Variants in CCDC178 observed in about 807,000 individuals in gnomAD.
The protein encoded by CCDC178 is coiled-coil domain containing 178, also known as coiled-coil domain-containing protein 178.
CCDC178 carries 126 observed loss-of-function variants against 117.4 expected under a neutral mutation model. The observed-to-expected ratio is 1.07, with a 90% CI of 0.93 to 1.24. The LOEUF (loss-of-function observed/expected upper bound fraction) is 1.24, where lower values mean the gene tolerates loss of function less well. Ranked by LOEUF, CCDC178 falls within the 50% of genes most tolerant of loss-of-function variation. The pLI, the probability that CCDC178 is intolerant of heterozygous loss-of-function variation, is 0.00. For synonymous variants in CCDC178, 283 were observed against 313.4 expected, an observed-to-expected ratio of 0.90 and a Z score of 1.02; for missense variants, 1,030 against 986.9, an observed-to-expected ratio of 1.04 and a Z score of -0.59.
At chr18:32,958,140 C>T in intron 22 of CCDC178, 1 of 497,820 alleles carries the variant, frequency 2.0e-6, no homozygotes, top group Non-Finnish European at 3.7e-6. Flanking sequence ...AGAAATAAAA[C>T]ACAGACATTA....
intron 22 of CCDC178, among the ~76,000 whole-genome samples, chr18:32,970,084 G>A (rs535071743): frequency 2.0e-5 from 3 of 151,988 alleles, no homozygotes; most frequent in South Asian, 2.1e-4. Context: ...GCTCACTTTC[G>A]CTCATATTAA....
chr18:33,438,608 G>A (rs777342194), intron 2 of CCDC178, among the ~76,000 whole-genome samples: 2 of 151,538 alleles, frequency 1.3e-5, no homozygotes, highest in Non-Finnish European at 1.5e-5. Flanking sequence ...AGTTACCATG[G>A]CCATTAGAGC....
At chr18:33,113,942 T>C (rs957046295) in intron 20 of CCDC178, among the ~76,000 whole-genome samples, 1 of 151,906 alleles carries the variant, frequency 6.6e-6, no homozygotes, top group Non-Finnish European at 1.5e-5. Flanking sequence ...AATTATAGAG[T>C]TCAAATTTTG....
chr18:33,224,906 C>A lies in CCDC178; in HGVS notation c.1687G>T (p.Ala563Ser). 6.5e-7 allele frequency: 1 copy of A among 1,533,860 alleles called. No individual in the cohort carries two copies. The highest frequency in any genetic ancestry group is 8.8e-7 in the Non-Finnish European group (1 of 1,141,046). The change falls in exon 17 of 23, where the codon GCA (alanine) becomes TCA (serine). Residue 563 changes from alanine (A) to serine (S), a missense_variant. By Grantham distance (99) the Ala-to-Ser change is moderately conservative. Transcript: ENST00000383096. ...TTTATAAGCTCTTTCCGCTCAAGTGCCTGGACTTCGTAAATGGAATATAGT... is the reference window on the plus strand; with the variant it reads ...TTTATAAGCTCTTTCCGCTCAAGTGACTGGACTTCGTAAATGGAATATAGT... ...KKLYSIYEVQ[A>S]LERKELIKNR...
At chr18:33,275,998 A>G (rs2059945407) in intron 12 of CCDC178, among the ~76,000 whole-genome samples, 1 of 150,930 alleles carries the variant, frequency 6.6e-6, no homozygotes, top group South Asian at 2.1e-4. Context: ...ACTGGGCAAT[A>G]GAGCAAGACC....
intron 21 of CCDC178, among the ~76,000 whole-genome samples, chr18:33,083,527 T>A (rs1448795786): frequency 4.6e-5 from 7 of 152,362 alleles, no homozygotes. Context: ...AATGCTATCC[T>A]GTTGTTTTCC....
In CCDC178 at chr18:32,984,099, G is replaced by T. The variant is rs75164621; in HGVS notation, c.2389-9418C>A. 9.3e-3 allele frequency among the ~76,000 whole-genome samples: 1,414 copies of T among 151,954 alleles called. 23 individuals are homozygous for T. The highest frequency in any genetic ancestry group is 0.033 in the African/African-American group (1,358 of 41,510). On this transcript the variant is annotated intron_variant, in intron 21 of 22. Coordinates refer to ENST00000383096, the MANE Select transcript of CCDC178 (RefSeq NM_001105528.4). Reference sequence around the variant, plus strand: ...ATCACATAGCTCATTTCTGGAAATAGCTTTTATTAACTGCTTAGATGTACT... The same window carrying T: ...ATCACATAGCTCATTTCTGGAAATATCTTTTATTAACTGCTTAGATGTACT...
intron 5 of CCDC178, among the ~76,000 whole-genome samples, chr18:33,373,939 T>C (rs1455083563): frequency 6.6e-6 from 1 of 152,154 alleles, no homozygotes; most frequent in Admixed American, 6.6e-5. Context: ...AATCTGGATT[T>C]TAAAATATGA....
At chr18:32,991,245 T>C (rs1034482616) in intron 21 of CCDC178, among the ~76,000 whole-genome samples, 1 of 152,182 alleles carries the variant, frequency 6.6e-6, no homozygotes, top group Non-Finnish European at 1.5e-5. Flanking sequence ...CTTTTAATCA[T>C]TGCACTTGAT....
Position 33,276,759 on chromosome 18 carries a change from C to T in CCDC178, c.1177-9462G>A, listed in dbSNP as rs75092934. On this transcript the variant is annotated intron_variant, in intron 12 of 22. Transcript: ENST00000383096. ...TGGGGTGTGTTTAAGAAAGGATGAA[C>T]GATATAATGGTCAAGTAAGATTTAT... 3.7e-3 allele frequency among the ~76,000 whole-genome samples: 556 copies of T among 151,972 alleles called. 6 individuals are homozygous for T. Among genetic ancestry groups the T allele is most frequent in the African/African-American group, 0.013 (529 of 41,442 alleles).
At chr18:33,417,576 G>A (rs1354240527) in intron 2 of CCDC178, among the ~76,000 whole-genome samples, 2 of 151,192 alleles carry the variant, frequency 1.3e-5, no homozygotes, top group African/African-American at 4.9e-5. Flanking sequence ...ATAACTGCAA[G>A]TATTACCGCT....
chr18:33,059,463 C>A (rs2056885936), intron 21 of CCDC178, among the ~76,000 whole-genome samples: 2 of 152,188 alleles, frequency 1.3e-5, no homozygotes, highest in Middle Eastern at 3.4e-3. Flanking sequence ...GTTTGCCCTG[C>A]AACTTACACA....
rs111483427 is a variant in CCDC178, at chr18:33,340,514, T to C, written c.658+5697A>G. ...ACCACGGGGAAAATGTCTCCAGCCA[T>C]GTCAGACACCTTCATGGCAGACCCT... On this transcript the variant is annotated intron_variant, in intron 9 of 22. Transcript: ENST00000383096. Among the ~76,000 whole-genome samples the C allele has an allele frequency of 3.1e-3, 477 of 152,296 alleles. 1 individual carries two copies. Among genetic ancestry groups the C allele is most frequent in the Non-Finnish European group, 5.4e-3 (368 of 68,024 alleles).
At chr18:33,115,963 A>C (rs2057851605) in intron 20 of CCDC178, among the ~76,000 whole-genome samples, 1 of 152,140 alleles carries the variant, frequency 6.6e-6, no homozygotes, top group Admixed American at 6.6e-5. Context: ...TGTCAAATGA[A>C]ATTTGACAGT....
chr18:33,297,843 C>T (rs894527607), intron 11 of CCDC178, among the ~76,000 whole-genome samples: 1 of 151,998 alleles, frequency 6.6e-6, no homozygotes, highest in African/African-American at 2.4e-5. Flanking sequence ...AGATGGAGAC[C>T]ATCCTGGCTA....
Position 33,333,404 on chromosome 18 carries a change from G to A in CCDC178, c.659-10C>T. The stretch of plus-strand genomic sequence containing the variant: ...AAATAGGCCTCATGTTCTAGATATA[G>A]AAGGATAAGAACAAAAGAAAATCTG... On this transcript the variant is annotated splice_polypyrimidine_tract_variant and intron_variant, in intron 9 of 22. Coordinates refer to ENST00000383096, the MANE Select transcript of CCDC178 (RefSeq NM_001105528.4). 7.0e-7 allele frequency: 1 copy of A among 1,432,490 alleles called. No individual in the cohort carries two copies. Among genetic ancestry groups the A allele is most frequent in the Non-Finnish European group, 9.6e-7 (1 of 1,040,492 alleles). The allele number at this position is 1,432,490 out of a possible 1,614,324, so 88.7% of individuals were successfully genotyped here.
At chr18:33,125,824 T>C (rs2057997860) in intron 20 of CCDC178, among the ~76,000 whole-genome samples, 1 of 152,158 alleles carries the variant, frequency 6.6e-6, no homozygotes, top group African/African-American at 2.4e-5. Context: ...AGGTGAGAGC[T>C]TGACTCAGCT....
intron 20 of CCDC178, among the ~76,000 whole-genome samples, chr18:33,153,520 C>A (rs1000811079): frequency 3.9e-5 from 6 of 151,964 alleles, no homozygotes; most frequent in Non-Finnish European, 7.4e-5. Flanking sequence ...ATACTTATTT[C>A]TTTGAAAAGC....
At chr18:32,970,001 T>C (rs537513993) in intron 22 of CCDC178, among the ~76,000 whole-genome samples, 2 of 152,186 alleles carry the variant, frequency 1.3e-5, no homozygotes, top group South Asian at 4.1e-4. Context: ...AAATATGCCA[T>C]ACACTGTCAG....
Sources: allele counts gnomAD v4.1 joint callset (sites outside exome capture counted in the v4.1 genomes callset), GRCh38; gene constraint gnomAD v4.1.1; transcripts MANE v1.5; gene names NCBI Gene and HGNC (gene_info 2026-07-23, HGNC 2026-07-21).